The following WFDC3 variants were observed in gnomAD, a reference collection of about 807,000 sequenced individuals.
The protein encoded by WFDC3 is WAP four-disulfide core domain protein 3.
In WFDC3, 15 loss-of-function variants were observed where a neutral mutation model predicts 25.8. That is an observed-to-expected ratio of 0.58 (90% confidence interval 0.39 to 0.89). WFDC3 has a LOEUF of 0.89. WFDC3 is among the 40% of genes least tolerant of loss of function. The pLI, the probability that WFDC3 is intolerant of heterozygous loss-of-function variation, is 0.00. For missense variants in WFDC3, 264 were observed against 289.8 expected (o/e 0.91, Z 0.65); for synonymous variants, 103 against 107.1 (o/e 0.96, Z 0.24).
intron 1 of WFDC3, chr20:45,790,853 T>G: frequency 2.1e-6 from 1 of 470,652 alleles, no homozygotes; most frequent in South Asian, 1.5e-5. Context: ...CAGGCCATTC[T>G]TGGACTGTAT....
intron 1 of WFDC3, among the ~76,000 whole-genome samples, chr20:45,790,484 A>G (rs1980906909): frequency 6.6e-6 from 1 of 152,192 alleles, no homozygotes; most frequent in Non-Finnish European, 1.5e-5. Context: ...AAACTATCAA[A>G]TAGGCCAAGG....
intron 3 of WFDC3, 58 bp downstream of exon 3, chr20:45,788,873 C>A: frequency 6.5e-7 from 1 of 1,548,786 alleles, no homozygotes; most frequent in Non-Finnish European, 8.7e-7. Flanking sequence ...CTACTTCCAT[C>A]TATCCCAGAG....
intron 4 of WFDC3, chr20:45,778,691 C>G (rs1980301480): frequency 1.3e-5 from 2 of 152,108 alleles, no homozygotes. Context: ...TCAAGAATTG[C>G]AAAGAGGTGT....
At position 45,791,872 on chromosome 20, in the gene WFDC3, T is replaced by C. The variant is rs1981014003; in HGVS notation, c.-48A>G. 1.7e-6 allele frequency: 1 copy of C among 581,950 alleles called. No homozygotes were observed. The highest frequency in any genetic ancestry group is 9.2e-5 in the South Asian group (1 of 10,918). 36.0% of individuals were successfully genotyped at this position (581,950 alleles called of 1,614,324 possible). On this transcript the variant is annotated 5_prime_UTR_variant, in exon 1 of 7. Transcript: ENST00000243938. ...AACTGTCCTGGGCGAGGCGCGGCGGTTCGGTTCCCATGGTAACCCCGCAGC... is the reference window on the plus strand; with the variant it reads ...AACTGTCCTGGGCGAGGCGCGGCGGCTCGGTTCCCATGGTAACCCCGCAGC...
At chr20:45,790,072 C>G in intron 1 of WFDC3, 90 bp from the exon 2 acceptor site, 1 of 942,986 alleles carries the variant, frequency 1.1e-6, no homozygotes. Context: ...TAGGGATGGC[C>G]CCAAACCCAG....
chr20:45,775,652 T>C, intron 5 of WFDC3, 50 bp from the exon 6 acceptor site: 1 of 1,604,260 alleles, frequency 6.2e-7, no homozygotes, highest in South Asian at 1.1e-5. Flanking sequence ...AGCTCTGCCA[T>C]CTCCATGTTC....
intron 5 of WFDC3, among the ~76,000 whole-genome samples, chr20:45,775,986 T>C (rs1180923688): frequency 3.3e-5 from 5 of 152,152 alleles, no homozygotes; most frequent in Non-Finnish European, 1.5e-5. Context: ...CTAGACAAGG[T>C]TTGATGTCCC....
rs1464893755 is a variant in WFDC3 at position 45,775,589 on chromosome 20, A to G, written c.507T>C (p.Asp169=). The G allele has an allele frequency of 6.2e-7, 1 of 1,614,144 alleles. No homozygotes were observed. ...LGDIEGGRGG[D]CPKVLVGLCI... ...ACAGGCCCACCAGAACTTTTGGACA[A>G]TCACCGCCCCGCCCTGTGGGAACAA... The change falls in exon 6 of 7, where the codon GAT becomes GAC. Residue 169 remains aspartate (D), a synonymous_variant. Coordinates refer to ENST00000243938, the MANE Select transcript of WFDC3 (RefSeq NM_080614.2).
rs370827055 is a variant in WFDC3 at position 45,775,538 on chromosome 20, C to T, written c.558G>A (p.Glu186=). ...GLCIVGCVMD[E]NCQAGEKCCK... Reference sequence around the variant, plus strand: ...AACATTTTTCTCCAGCTTGACAATTCTCATCCATCACACAGCCAACAATGC... The same window carrying T: ...AACATTTTTCTCCAGCTTGACAATTTTCATCCATCACACAGCCAACAATGC... Residue 186 remains glutamate (E), a synonymous_variant, in exon 6 of 7, where the codon GAG becomes GAA. Coordinates refer to ENST00000243938, the MANE Select transcript of WFDC3 (RefSeq NM_080614.2). The T allele has an allele frequency of 1.9e-6, 3 of 1,614,082 alleles. No homozygotes were observed. The South Asian group carries it at 3.3e-5, about 18-fold the overall frequency.
chr20:45,789,827 G>A, intron 2 of WFDC3, 67 bp downstream of exon 2: 3 of 1,420,564 alleles, frequency 2.1e-6, no homozygotes, highest in Admixed American at 3.4e-5. Flanking sequence ...GAAGGCAGGG[G>A]ATGAGTTCTC....
chr20:45,780,636 C>T (rs1272133237), intron 4 of WFDC3, among the ~76,000 whole-genome samples: 1 of 152,124 alleles, frequency 6.6e-6, no homozygotes, highest in African/African-American at 2.4e-5. Flanking sequence ...CTATCAGCAC[C>T]CATCCCAAGA....
chr20:45,775,290 G>C, intron 6 of WFDC3, 127 bp downstream of exon 6: 1 of 1,314,274 alleles, frequency 7.6e-7, no homozygotes, highest in Non-Finnish European at 1.1e-6. Flanking sequence ...GTTTTCATCT[G>C]GGACATAGGT....
intron 4 of WFDC3, among the ~76,000 whole-genome samples, chr20:45,781,152 G>A (rs1269511451): frequency 6.6e-6 from 1 of 151,942 alleles, no homozygotes; most frequent in African/African-American, 2.4e-5. Flanking sequence ...GGGAGGCTGA[G>A]GCAGGAGAAT....
chr20:45,781,085 CAA>C (rs796825499), intron 4 of WFDC3, among the ~76,000 whole-genome samples: 10 of 106,322 alleles, frequency 9.4e-5, no homozygotes, highest in East Asian at 8.3e-4. Context: ...ACTAAAAATA[CAA>C]AAAAAAAAAA....
At position 45,790,132 on chromosome 20, in the gene WFDC3, C is replaced by A. The variant is rs1300245433; in HGVS notation, c.-7-150G>T. On this transcript the variant is annotated intron_variant, in intron 1 of 6. Coordinates refer to ENST00000243938, the MANE Select transcript of WFDC3 (RefSeq NM_080614.2). ...ACTCCCCAAGAATATCTTCTCCTGACAAGAAGAAGAGGGATTGGCTGCTGG... is the reference window on the plus strand; with the variant it reads ...ACTCCCCAAGAATATCTTCTCCTGAAAAGAAGAAGAGGGATTGGCTGCTGG... 3 of 581,960 alleles carry A rather than the reference C, an allele frequency of 5.2e-6. No individual in the cohort carries two copies. Among genetic ancestry groups the A allele is most frequent in the Non-Finnish European group, 6.1e-6 (2 of 329,286 alleles). 36.0% of individuals were successfully genotyped at this position (581,960 alleles called of 1,614,324 possible). A position where few individuals can be genotyped will look rare whatever the true frequency, so the allele number is the denominator to read the frequency against.
chr20:45,776,715 G>C (rs1344054790), intron 5 of WFDC3, among the ~76,000 whole-genome samples: 1 of 142,768 alleles, frequency 7.0e-6, no homozygotes, highest in Non-Finnish European at 1.5e-5. Context: ...GAAGCTTTTT[G>C]TTAAAAATTA....
chr20:45,790,737 A>AG (rs1267186009), intron 1 of WFDC3, among the ~76,000 whole-genome samples: 4 of 151,994 alleles, frequency 2.6e-5, no homozygotes, highest in African/African-American at 7.2e-5. Flanking sequence ...AAAAAAAAAA[A>AG]AGAGAGAAAA....
chr20:45,777,241 G>T, intron 4 of WFDC3, 32 bp from the exon 5 acceptor site: 1 of 1,463,566 alleles, frequency 6.8e-7, no homozygotes, highest in Non-Finnish European at 9.0e-7. Flanking sequence ...GCCCAGAGAC[G>T]CTCACAATAT....
chr20:45,784,546 A>G (rs1042218819), intron 4 of WFDC3, among the ~76,000 whole-genome samples: 1 of 152,222 alleles, frequency 6.6e-6, no homozygotes, highest in Non-Finnish European at 1.5e-5. Context: ...GTTTGAGACC[A>G]GCCTGACCAA....
Sources: gnomAD v4.1 joint callset for allele counts (sites outside exome capture counted in the v4.1 genomes callset) on GRCh38, gnomAD v4.1.1 for gene constraint, MANE v1.5 for transcripts, NCBI Gene and HGNC (gene_info 2026-07-23, HGNC 2026-07-21) for gene names.